Variants in CSMD1 observed in about 807,000 individuals in gnomAD.
CSMD1 encodes the protein CUB and Sushi multiple domains 1, also known as CUB and sushi domain-containing protein 1.
CSMD1 carries 213 observed loss-of-function variants against 417.5 expected under a neutral mutation model. The observed-to-expected ratio is 0.51, with a 90% confidence interval of 0.46 to 0.57. CSMD1 has a LOEUF of 0.57. Ranked by LOEUF, CSMD1 falls within the 20% of genes least tolerant of loss-of-function variation. CSMD1 has a pLI of 0.00. For synonymous variants in CSMD1, 2,862 were observed against 1,736.8 expected, an observed-to-expected ratio of 1.65 and a Z score of -16.11; for missense variants, 6,923 against 4,529.7, an observed-to-expected ratio of 1.53 and a Z score of -15.17.
intron 8 of CSMD1, among the ~76,000 whole-genome samples, chr8:3,610,469 A>G (rs1801836178): frequency 2.2e-5 from 1 of 45,544 alleles, no homozygotes; most frequent in African/African-American, 6.8e-5. Context: ...CTGGAGTTCG[A>G]GATTACAGTA....
intron 3 of CSMD1, among the ~76,000 whole-genome samples, chr8:4,337,598 G>T (rs1021828574): frequency 6.6e-6 from 1 of 152,120 alleles, no homozygotes; most frequent in Admixed American, 6.6e-5. Context: ...TCAAAATTCT[G>T]TGGACAGTAA....
intron 6 of CSMD1, among the ~76,000 whole-genome samples, chr8:3,733,266 A>ATACC (rs58021258): frequency 7.5e-6 from 1 of 132,640 alleles, no homozygotes; most frequent in Non-Finnish European, 1.7e-5. Context: ...ATACACATAC[A>ATACC]CATATTTATA....
rs150516749 is a variant in CSMD1, at chr8:4,050,597, T to G, written c.416-18498A>C. Reference sequence around the variant, plus strand: ...ACTACTTTATTTCAAAATATACAATTAAATTATTGCTTACAAGAGTCATCC... The same window carrying G: ...ACTACTTTATTTCAAAATATACAATGAAATTATTGCTTACAAGAGTCATCC... On this transcript the variant is annotated intron_variant, in intron 3 of 69. Transcript: ENST00000635120. Among the ~76,000 whole-genome samples the G allele has an allele frequency of 1.6e-3, 242 of 152,190 alleles. 1 individual carries two copies. Among genetic ancestry groups the G allele is most frequent in the African/African-American group, 5.4e-3 (226 of 41,534 alleles).
intron 3 of CSMD1, among the ~76,000 whole-genome samples, chr8:4,408,887 T>G (rs1796491641): frequency 6.6e-6 from 1 of 152,230 alleles, no homozygotes; most frequent in African/African-American, 2.4e-5. Flanking sequence ...GATCCTTGTT[T>G]GATAGTAAAC....
chr8:3,273,319 C>T (rs949256079), intron 26 of CSMD1, among the ~76,000 whole-genome samples: 16 of 152,038 alleles, frequency 1.1e-4, no homozygotes, highest in Admixed American at 2.0e-4. Flanking sequence ...TGATGTGCTG[C>T]TGGATTCGGT....
chr8:3,763,987 C>G (rs532776810), intron 5 of CSMD1, among the ~76,000 whole-genome samples: 5 of 152,280 alleles, frequency 3.3e-5, no homozygotes, highest in East Asian at 3.9e-4. Flanking sequence ...CTCCCCACAT[C>G]TGTCTGTTTG....
intron 12 of CSMD1, among the ~76,000 whole-genome samples, chr8:3,422,944 C>G (rs1813588989): frequency 6.6e-6 from 1 of 152,134 alleles, no homozygotes. Context: ...GGTAGATTCT[C>G]TTTGTTAAGC....
chr8:4,111,468 G>C (rs143468667), intron 3 of CSMD1, among the ~76,000 whole-genome samples: 207 of 152,194 alleles, frequency 1.4e-3, no homozygotes, highest in African/African-American at 4.6e-3. Flanking sequence ...GCACATGCAC[G>C]AGTATGTTCA....
At chr8:4,193,679 C>T (rs1301683571) in intron 3 of CSMD1, among the ~76,000 whole-genome samples, 2 of 152,134 alleles carry the variant, frequency 1.3e-5, no homozygotes, top group African/African-American at 4.8e-5. Flanking sequence ...CAAACCACAG[C>T]TCAACAAAGA....
chr8:4,084,125 G>A (rs912100961), intron 3 of CSMD1, among the ~76,000 whole-genome samples: 4 of 152,098 alleles, frequency 2.6e-5, no homozygotes, highest in Non-Finnish European at 4.4e-5. Flanking sequence ...CAATATGTCT[G>A]CTCTTATGAC....
At chr8:4,276,255 A>T (rs1212520243) in intron 3 of CSMD1, among the ~76,000 whole-genome samples, 4 of 152,250 alleles carry the variant, frequency 2.6e-5, no homozygotes, top group African/African-American at 9.6e-5. Flanking sequence ...AATTTTAAAA[A>T]AAATGTGGCA....
At chr8:4,542,858 C>T (rs1797457717) in intron 2 of CSMD1, among the ~76,000 whole-genome samples, 1 of 151,946 alleles carries the variant, frequency 6.6e-6, no homozygotes, top group Non-Finnish European at 1.5e-5. Flanking sequence ...GTTTTTTTCA[C>T]AGTATATTTC....
At chr8:3,126,788 G>T (rs1301268812) in intron 41 of CSMD1, among the ~76,000 whole-genome samples, 2 of 152,170 alleles carry the variant, frequency 1.3e-5, no homozygotes, top group African/African-American at 4.8e-5. Flanking sequence ...TGCAAAAGTT[G>T]TCAGAGTTTT....
chr8:4,011,477 T>G (rs188388978), intron 4 of CSMD1, among the ~76,000 whole-genome samples: 10 of 152,276 alleles, frequency 6.6e-5, no homozygotes, highest in African/African-American at 2.4e-4. Flanking sequence ...TTAACCTTGT[T>G]ACATCCTCTC....
At chr8:4,683,160 G>GT (rs1806153741) in intron 1 of CSMD1, among the ~76,000 whole-genome samples, 1 of 151,528 alleles carries the variant, frequency 6.6e-6, no homozygotes, top group South Asian at 2.1e-4. Flanking sequence ...ATCTGTTAAT[G>GT]TTTTTACAAA....
At position 4,751,126 on chromosome 8, in the gene CSMD1, T is replaced by C. The variant is rs139043719; in HGVS notation, c.86-113568A>G. Among the ~76,000 whole-genome samples the C allele has an allele frequency of 7.9e-5, 12 of 152,346 alleles. No homozygotes were observed. In the East Asian group the frequency reaches 1.9e-3, roughly 24 times the overall value. On this transcript the variant is annotated intron_variant, in intron 1 of 69. Coordinates refer to ENST00000635120, the MANE Select transcript of CSMD1 (RefSeq NM_033225.6). ...CTGCCTGGGAGCAGTGGCTCAGGCCTGTAATCCCAGCACTTTGGGAGGCCG... is the reference window on the plus strand; with the variant it reads ...CTGCCTGGGAGCAGTGGCTCAGGCCCGTAATCCCAGCACTTTGGGAGGCCG...
At chr8:3,646,517 T>C (rs999368371) in intron 7 of CSMD1, among the ~76,000 whole-genome samples, 7 of 152,158 alleles carry the variant, frequency 4.6e-5, no homozygotes, top group Non-Finnish European at 8.8e-5. Context: ...GGCGGTGTCA[T>C]CTGTAGCATT....
Position 3,507,785 on chromosome 8 carries a change from T to C in CSMD1, c.1345-14059A>G, listed in dbSNP as rs111732617. The stretch of plus-strand genomic sequence containing the variant: ...GATGAGCATTTTTTCATGTGTTTTT[T>C]TGGCTGCATAAATGTCTTCTTTTGA... On this transcript the variant is annotated intron_variant, in intron 10 of 69. Coordinates refer to ENST00000635120, the MANE Select transcript of CSMD1 (RefSeq NM_033225.6). 4.8e-3 allele frequency among the ~76,000 whole-genome samples: 725 copies of C among 152,354 alleles called. 8 individuals carry two copies. The highest frequency in any genetic ancestry group is 6.1e-3 in the Non-Finnish European group (418 of 68,036).
At chr8:4,061,892 T>A (rs767071672) in intron 3 of CSMD1, among the ~76,000 whole-genome samples, 6 of 152,172 alleles carry the variant, frequency 3.9e-5, no homozygotes, top group Non-Finnish European at 8.8e-5. Flanking sequence ...CTGAGCATAC[T>A]GGTAAAGTGA....
Sources: allele counts gnomAD v4.1 joint callset (sites outside exome capture counted in the v4.1 genomes callset), GRCh38; gene constraint gnomAD v4.1.1; transcripts MANE v1.5; gene names NCBI Gene and HGNC (gene_info 2026-07-23, HGNC 2026-07-21).